ZNF727: variants seen among roughly 807,000 people sequenced by gnomAD.
ZNF727 encodes the protein zinc finger protein 727, also known as putative zinc finger protein 727.
A neutral mutation model predicts 11.5 loss-of-function variants in ZNF727; 11 were observed. That is an observed-to-expected ratio of 0.95 (90% CI 0.60 to 1.58). The LOEUF is 1.58. ZNF727 is among the 40% of genes most tolerant of loss of function. ZNF727 has a pLI of 0.00. For synonymous variants in ZNF727, 171 were observed against 196.1 expected (o/e 0.87, Z 1.07); for missense variants, 533 against 581.7 (o/e 0.92, Z 0.86).
Position 64,077,257 on chromosome 7 carries a change from G to T in ZNF727, c.227-19G>T. 1 of 1,428,030 alleles carries T rather than the reference G, an allele frequency of 7.0e-7. No homozygotes were observed. The highest frequency in any genetic ancestry group is 9.1e-7 in the Non-Finnish European group (1 of 1,095,558). The allele number at this position is 1,428,030 out of a possible 1,614,324, so 88.5% of individuals were successfully genotyped here. ...AGTCTGATGAGGGAGAAATTTTGTGGTTCTTTTTTTTTTTTCAGCTGGCTC... is the reference window on the plus strand; with the variant it reads ...AGTCTGATGAGGGAGAAATTTTGTGTTTCTTTTTTTTTTTTCAGCTGGCTC... On this transcript the variant is annotated intron_variant, in intron 3 of 3. Transcript: ENST00000456806.
intron 1 of ZNF727, among the ~76,000 whole-genome samples, chr7:64,051,552 TATTA>T (rs1342575768): frequency 4.6e-5 from 7 of 152,120 alleles, no homozygotes; most frequent in African/African-American, 1.7e-4. Flanking sequence ...ACAAATACAT[TATTA>T]ATTAATTATT....
chr7:64,075,842 A>C (rs149808493), intron 3 of ZNF727, among the ~76,000 whole-genome samples: 14 of 152,188 alleles, frequency 9.2e-5, no homozygotes, highest in Non-Finnish European at 1.9e-4. Context: ...TAATATACCA[A>C]TGTAACAGAC....
chr7:64,061,525 G>GTA (rs1031458047), intron 1 of ZNF727, among the ~76,000 whole-genome samples: 2 of 151,240 alleles, frequency 1.3e-5, no homozygotes, highest in African/African-American at 2.4e-5. Flanking sequence ...TTTGCATGGA[G>GTA]TATCTTTTTC....
At chr7:64,050,730 C>T (rs1789580830) in intron 1 of ZNF727, among the ~76,000 whole-genome samples, 1 of 151,224 alleles carries the variant, frequency 6.6e-6, no homozygotes, top group African/African-American at 2.4e-5. Context: ...AACCATAGGC[C>T]TCAAATTTAT....
intron 1 of ZNF727, among the ~76,000 whole-genome samples, chr7:64,061,617 T>C (rs1428435172): frequency 1.3e-5 from 2 of 151,966 alleles, no homozygotes; most frequent in African/African-American, 4.8e-5. Context: ...GTCTCGTTTT[T>C]ATTTTTACCC....
rs1302621556 is a variant in ZNF727 at position 64,085,001 on chromosome 7, T to G, written c.*6452T>G. On this transcript the variant is annotated 3_prime_UTR_variant, in exon 4 of 4. Coordinates refer to ENST00000456806, the MANE Select transcript of ZNF727 (RefSeq NM_001159522.3). ...ATCTGAAATGTTATTGCTCCTGACT[T>G]AGAATCATCTTTTGCAAATTCTTTT... Among the ~76,000 whole-genome samples the G allele has an allele frequency of 7.0e-6, 1 of 143,146 alleles. No individual in the cohort carries two copies. Among genetic ancestry groups the G allele is most frequent in the Non-Finnish European group, 1.5e-5 (1 of 65,234 alleles). The allele number at this position is 143,146 out of a possible 152,430, so 93.9% of individuals were successfully genotyped here.
intron 2 of ZNF727, 28 bp from the exon 3 acceptor site, chr7:64,069,486 G>A (rs1458411467): frequency 6.7e-7 from 1 of 1,498,668 alleles, no homozygotes; most frequent in South Asian, 1.2e-5. Context: ...CCTAGCAAGA[G>A]TCATGTTATT....
intron 3 of ZNF727, among the ~76,000 whole-genome samples, chr7:64,070,956 T>C (rs990148731): frequency 7.2e-5 from 11 of 152,218 alleles, no homozygotes; most frequent in African/African-American, 2.4e-4. Context: ...GGTTTTATTA[T>C]TTTTTATGGC....
At chr7:64,060,923 T>C (rs1351784347) in intron 1 of ZNF727, among the ~76,000 whole-genome samples, 3 of 152,132 alleles carry the variant, frequency 2.0e-5, no homozygotes, top group African/African-American at 7.2e-5. Flanking sequence ...AACTTCTGTA[T>C]TGGCCCACCA....
intron 1 of ZNF727, among the ~76,000 whole-genome samples, chr7:64,063,801 G>A (rs1789818582): frequency 6.6e-6 from 1 of 152,060 alleles, no homozygotes; most frequent in Admixed American, 6.6e-5. Context: ...TCTACTTGGT[G>A]CCCTATTCTG....
chr7:64,083,672 T>C lies in ZNF727; in HGVS notation c.*5123T>C, dbSNP rs1223121294. ...CTCACCCGAAGGTTGCAGAGATCTG[T>C]GGGAGAATCATGGGTTTCTAGGGTC... On this transcript the variant is annotated 3_prime_UTR_variant, in exon 4 of 4. Coordinates refer to ENST00000456806, the MANE Select transcript of ZNF727 (RefSeq NM_001159522.3). Among the ~76,000 whole-genome samples the C allele has an allele frequency of 1.3e-5, 2 of 152,206 alleles. No individual in the cohort carries two copies. Among genetic ancestry groups the C allele is most frequent in the African/African-American group, 4.8e-5 (2 of 41,458 alleles).
At chr7:64,047,010 G>T (rs1228157740) in intron 1 of ZNF727, among the ~76,000 whole-genome samples, 2 of 148,752 alleles carry the variant, frequency 1.3e-5, no homozygotes, top group Admixed American at 6.7e-5. Context: ...TTAGTAATTT[G>T]TAAGAAATTC....
At chr7:64,048,350 A>T (rs1789541276) in intron 1 of ZNF727, among the ~76,000 whole-genome samples, 1 of 152,250 alleles carries the variant, frequency 6.6e-6, no homozygotes, top group African/African-American at 2.4e-5. Context: ...TTTCAAACAG[A>T]ATCCCAGGGC....
At chr7:64,059,649 C>T (rs1352412281) in intron 1 of ZNF727, among the ~76,000 whole-genome samples, 2 of 152,192 alleles carry the variant, frequency 1.3e-5, no homozygotes, top group East Asian at 1.9e-4. Flanking sequence ...CAAATTGTAC[C>T]CAATGCCACT....
chr7:64,052,976 C>G (rs1293301363), intron 1 of ZNF727, among the ~76,000 whole-genome samples: 1 of 152,188 alleles, frequency 6.6e-6, no homozygotes, highest in Non-Finnish European at 1.5e-5. Flanking sequence ...AAGTAACTAA[C>G]TTGCTTTTTG....
chr7:64,071,450 CTT>C (rs1789960978), intron 3 of ZNF727, among the ~76,000 whole-genome samples: 1 of 151,854 alleles, frequency 6.6e-6, no homozygotes, highest in African/African-American at 2.4e-5. Context: ...ATTTTTAAAT[CTT>C]GTTATTATTA....
At chr7:64,069,661 A>C in intron 3 of ZNF727, 52 bp downstream of exon 3, 1 of 1,395,664 alleles carries the variant, frequency 7.2e-7, no homozygotes, top group Non-Finnish European at 9.9e-7. Context: ...CCCAATGTCA[A>C]GGAGGAAGCC....
At chr7:64,059,978 T>C (rs1789745477) in intron 1 of ZNF727, among the ~76,000 whole-genome samples, 2 of 152,306 alleles carry the variant, frequency 1.3e-5, no homozygotes, top group African/African-American at 4.8e-5. Context: ...TGGTTTACAT[T>C]TCTGTTGGAC....
At position 64,079,260 on chromosome 7, in the gene ZNF727, A is replaced by G. The variant is rs750331307; in HGVS notation, c.*711A>G. ...CTCCACAAGTGTTAAAAATGTGGAA[A>G]AGCCTTTAACAATTCGTCATATTGT... On this transcript the variant is annotated 3_prime_UTR_variant, in exon 4 of 4. Coordinates refer to ENST00000456806, the MANE Select transcript of ZNF727 (RefSeq NM_001159522.3). 6.6e-6 allele frequency among the ~76,000 whole-genome samples: 1 copy of G among 152,228 alleles called. No homozygotes were observed. The highest frequency in any genetic ancestry group is 1.5e-5 in the Non-Finnish European group (1 of 68,026).
Sources: allele counts gnomAD v4.1 joint callset (sites outside exome capture counted in the v4.1 genomes callset), GRCh38; gene constraint gnomAD v4.1.1; transcripts MANE v1.5; gene names NCBI Gene and HGNC (gene_info 2026-07-23, HGNC 2026-07-21).